The following P4HB variants were observed in gnomAD, a reference collection of about 807,000 sequenced individuals.
P4HB encodes the protein protein disulfide-isomerase.
Under a neutral mutation model 52.6 loss-of-function variants are expected in P4HB, and 20 were observed. The ratio of observed to expected loss-of-function variants is 0.38; its 90% CI spans 0.27 to 0.55. The LOEUF (loss-of-function observed/expected upper bound fraction) is 0.55, where lower values mean the gene tolerates loss of function less well. Among genes scored for constraint, P4HB ranks in the 20% least tolerant of loss-of-function variants. The pLI is 0.74. For missense variants in P4HB, 601 were observed against 669.2 expected (o/e 0.90, Z 1.12); for synonymous variants, 296 against 277.9 (o/e 1.07, Z -0.65).
In P4HB at chr17:81,859,172, C is replaced by T. The variant is rs552920510; in HGVS notation, c.352+9G>A. ...TAAAGACAGTTCAAGGGCAGTGCCA[C>T]AGCCACACCTGTATATTCCTTGGGG... On this transcript the variant is annotated intron_variant, in intron 2 of 10. Transcript: ENST00000331483. The T allele has an allele frequency of 3.1e-6, 5 of 1,612,792 alleles. No individual in the cohort carries two copies. The African/African-American group carries it at 5.3e-5, about 17-fold the overall frequency.
At position 81,852,279 on chromosome 17, in the gene P4HB, C is replaced by T. The variant is rs181013553; in HGVS notation, c.624+2863G>A. On this transcript the variant is annotated intron_variant, in intron 4 of 10. Coordinates refer to ENST00000331483, the MANE Select transcript of P4HB (RefSeq NM_000918.4). ...CATGGTGCCAGTGACCAGCAGCCCCCGCAGAGGTTTTCCTGGGTTGCAGTG... is the reference window on the plus strand; with the variant it reads ...CATGGTGCCAGTGACCAGCAGCCCCTGCAGAGGTTTTCCTGGGTTGCAGTG... Among the ~76,000 whole-genome samples, 490 of 152,298 alleles carry T rather than the reference C, an allele frequency of 3.2e-3. 2 individuals carry two copies. The highest frequency in any genetic ancestry group is 5.2e-3 in the Non-Finnish European group (357 of 68,026).
rs112367493 is a variant in P4HB at position 81,859,448 on chromosome 17, C to T, written c.146-61G>A. 7,790 of 1,411,228 alleles carry T rather than the reference C, an allele frequency of 5.5e-3. 330 individuals carry two copies. In the African/African-American group the frequency reaches 0.095, roughly 17 times the overall value. The allele number at this position is 1,411,228 out of a possible 1,614,324, so 87.4% of individuals were successfully genotyped here. A position where few individuals can be genotyped will look rare whatever the true frequency, so the allele number is the denominator to read the frequency against. ...GATCCCTAAAGCAGCCTTGATCCCT[C>T]AGCAGTGCTTCCCTTTTTCCTCTGG... On this transcript the variant is annotated intron_variant, in intron 1 of 10. Coordinates refer to ENST00000331483, the MANE Select transcript of P4HB (RefSeq NM_000918.4).
At chr17:81,849,394 G>A (rs1228369529) in intron 4 of P4HB, among the ~76,000 whole-genome samples, 2 of 151,648 alleles carry the variant, frequency 1.3e-5, no homozygotes, top group Admixed American at 1.3e-4. Context: ...TACTTGGGAG[G>A]CTGAGGCAGG....
In P4HB at chr17:81,855,747, C is replaced by CGCCT; in HGVS notation, c.353-165_353-162dup. ...TGGAAGAGGCCCGGTGCCGTCCGCC[C>CGCCT]GCCTCCTAAACCCCAGTGTACGTGA... On this transcript the variant is annotated intron_variant, in intron 2 of 10. Coordinates refer to ENST00000331483, the MANE Select transcript of P4HB (RefSeq NM_000918.4). The surrounding 1 kb of genome is among the most constrained non-coding windows in gnomAD (Gnocchi z 4.3). The CGCCT allele has an allele frequency of 1.4e-6, 1 of 740,470 alleles. No individual in the cohort carries two copies. The highest frequency in any genetic ancestry group is 2.8e-5 in the East Asian group (1 of 36,008). 45.9% of individuals were successfully genotyped at this position (740,470 alleles called of 1,614,324 possible).
Position 81,859,614 on chromosome 17 carries a change from C to T in P4HB, c.146-227G>A. On this transcript the variant is annotated intron_variant, in intron 1 of 10. Transcript: ENST00000331483. ...AACTACCACCAACCAACACCAGCCC[C>T]CACTCTGCTATGTCACCATCAGCAC... 3 of 568,532 alleles carry T rather than the reference C, an allele frequency of 5.3e-6. 1 individual carries two copies. The South Asian group carries it at 6.2e-5, about 12-fold the overall frequency. The allele number at this position is 568,532 out of a possible 1,614,324, so 35.2% of individuals were successfully genotyped here. A position where few individuals can be genotyped will look rare whatever the true frequency, so the allele number is the denominator to read the frequency against.
At chr17:81,853,528 C>T (rs538219332) in intron 4 of P4HB, among the ~76,000 whole-genome samples, 36 of 151,666 alleles carry the variant, frequency 2.4e-4, no homozygotes, top group East Asian at 1.6e-3. Context: ...GAGCTGAGAT[C>T]GCGCCACTGC....
At chr17:81,859,661 G>C (rs2038966572) in intron 1 of P4HB, 1 of 491,020 alleles carries the variant, frequency 2.0e-6, no homozygotes. Context: ...CCTTTCAATG[G>C]TTGCTGACTT....
At chr17:81,852,171 G>C (rs1387863880) in intron 4 of P4HB, among the ~76,000 whole-genome samples, 1 of 152,226 alleles carries the variant, frequency 6.6e-6, no homozygotes, top group Non-Finnish European at 1.5e-5. Flanking sequence ...AACAGAGCGA[G>C]ACCCTTTCTC....
At position 81,855,036 on chromosome 17, in the gene P4HB, C is replaced by T. The variant is rs556664846; in HGVS notation, c.624+106G>A. On this transcript the variant is annotated intron_variant, in intron 4 of 10. Coordinates refer to ENST00000331483, the MANE Select transcript of P4HB (RefSeq NM_000918.4). The surrounding 1 kb of genome is among the most constrained non-coding windows in gnomAD (Gnocchi z 4.3). Reference sequence around the variant, plus strand: ...AAAGCTGCAGAACATACCTATTGGGCCAAAGGTGCCAGGAGCAAGGTTCCC... The same window carrying T: ...AAAGCTGCAGAACATACCTATTGGGTCAAAGGTGCCAGGAGCAAGGTTCCC... The T allele has an allele frequency of 2.4e-5, 27 of 1,132,652 alleles. No individual in the cohort carries two copies. In the African/African-American group the frequency reaches 2.9e-4, roughly 12 times the overall value. The allele number at this position is 1,132,652 out of a possible 1,614,324, so 70.2% of individuals were successfully genotyped here.
rs374522751 is a variant in P4HB at position 81,846,671 on chromosome 17, G to C, written c.856-42C>G. ...GGTTGCACAGGTGCGGGAGACGGCT[G>C]GCCTCTGCCTCCAGCCCTGACTTTG... is the stretch of plus-strand genomic sequence containing the variant. On this transcript the variant is annotated intron_variant, in intron 6 of 10. Transcript: ENST00000331483. The surrounding 1 kb of genome is among the most constrained non-coding windows in gnomAD (Gnocchi z 5.7). 18 of 1,574,206 alleles carry C rather than the reference G, an allele frequency of 1.1e-5. No homozygotes were observed. The highest frequency in any genetic ancestry group is 1.5e-5 in the Non-Finnish European group (17 of 1,148,840).
At chr17:81,857,814 C>G (rs1323991496) in intron 2 of P4HB, among the ~76,000 whole-genome samples, 1 of 152,142 alleles carries the variant, frequency 6.6e-6, no homozygotes, top group Non-Finnish European at 1.5e-5. Context: ...ACTTGACTCC[C>G]TGGTCCGAAT....
chr17:81,859,188 T>C lies in P4HB; in HGVS notation c.345A>G (p.Glu115=), dbSNP rs2038959706. The change falls in exon 2 of 11, where the codon GAA becomes GAG. Residue 115 remains glutamate (E), a synonymous_variant. Coordinates refer to ENST00000331483, the MANE Select transcript of P4HB (RefSeq NM_000918.4). ...FRNGDTASPK[E]YTAGREADDI... Reference sequence around the variant, plus strand: ...GCAGTGCCACAGCCACACCTGTATATTCCTTGGGGGAAGCCGTGTCTCCAT... The same window carrying C: ...GCAGTGCCACAGCCACACCTGTATACTCCTTGGGGGAAGCCGTGTCTCCAT... The C allele has an allele frequency of 4.3e-6, 7 of 1,613,786 alleles. No individual in the cohort carries two copies. In the South Asian group the frequency reaches 5.5e-5, roughly 13 times the overall value.
Position 81,846,863 on chromosome 17 carries a change from A to G in P4HB, c.855+84T>C. The G allele has an allele frequency of 4.6e-6, 7 of 1,538,334 alleles. No individual in the cohort carries two copies. The highest frequency in any genetic ancestry group is 6.2e-6 in the Non-Finnish European group (7 of 1,120,558). ...CCGATCCAGTCCAGCAGGCAGCCTC[A>G]GGAAGGCCCCACACTTGTCACCTCG... On this transcript the variant is annotated intron_variant, in intron 6 of 10. Coordinates refer to ENST00000331483, the MANE Select transcript of P4HB (RefSeq NM_000918.4). This position sits in a 1 kb window ranked among gnomAD's most constrained non-coding sequence, Gnocchi z 5.7.
chr17:81,845,476 T>C, intron 9 of P4HB, 85 bp downstream of exon 9: 1 of 1,341,744 alleles, frequency 7.5e-7, no homozygotes. Context: ...AGCCCCAGGC[T>C]CCTTCCAGAG....
chr17:81,858,749 G>A (rs2038953672), intron 2 of P4HB: 2 of 196,162 alleles, frequency 1.0e-5, no homozygotes, highest in East Asian at 1.4e-4. Flanking sequence ...TCACAGAGAG[G>A]ATGCGAGGAG....
chr17:81,849,437 A>C (rs1187411951), intron 4 of P4HB, among the ~76,000 whole-genome samples: 1 of 152,180 alleles, frequency 6.6e-6, no homozygotes, highest in Non-Finnish European at 1.5e-5. Context: ...CGGAGGTTGC[A>C]GTGAGCCCAG....
chr17:81,859,423 G>C, intron 1 of P4HB, 36 bp from the exon 2 acceptor site: 2 of 1,576,932 alleles, frequency 1.3e-6, no homozygotes, highest in Non-Finnish European at 1.7e-6. Context: ...AAGCAGCCTT[G>C]ATCCCTAAAG....
Position 81,847,169 on chromosome 17 carries a change from G to C in P4HB, c.729+74C>G. On this transcript the variant is annotated intron_variant, in intron 5 of 10. Transcript: ENST00000331483. The stretch of plus-strand genomic sequence containing the variant: ...CAATGTCAGACGCTGGACAGCAGTG[G>C]TGACCGGGAGCCTCATGCCACCCCC... The C allele has an allele frequency of 2.5e-6, 4 of 1,597,010 alleles. No homozygotes were observed. In the East Asian group the frequency reaches 8.9e-5, roughly 36 times the overall value.
At chr17:81,859,034 T>G (rs2038957454) in intron 2 of P4HB, 147 bp downstream of exon 2, 1 of 669,968 alleles carries the variant, frequency 1.5e-6, no homozygotes, top group African/African-American at 1.8e-5. Flanking sequence ...AGGGCACAAG[T>G]GGACAGAGAA....
Sources: gnomAD v4.1 joint callset for allele counts (sites outside exome capture counted in the v4.1 genomes callset) on GRCh38, gnomAD v4.1.1 for gene constraint, Gnocchi (gnomAD v3.1) non-coding constraint, MANE v1.5 for transcripts, NCBI Gene and HGNC (gene_info 2026-07-23, HGNC 2026-07-21) for gene names.